PCDHA12: variants seen among roughly 807,000 people sequenced by gnomAD.
PCDHA12 encodes the protein protocadherin alpha 12.
PCDHA12 carries 44 observed loss-of-function variants against 60.0 expected under a neutral mutation model. That is an observed-to-expected ratio of 0.73 (90% CI 0.58 to 0.94). PCDHA12 has a LOEUF of 0.94. Among genes scored for constraint, PCDHA12 ranks in the 40% least tolerant of loss-of-function variants. PCDHA12 has a pLI of 0.00. For synonymous variants in PCDHA12, 569 were observed against 553.0 expected, an observed-to-expected ratio of 1.03 and a Z score of -0.40; for missense variants, 1,276 against 1,239.7, an observed-to-expected ratio of 1.03 and a Z score of -0.44.
chr5:141,009,103 C>G (rs1440460108), intron 3 of PCDHA12, among the ~76,000 whole-genome samples: 1 of 152,170 alleles, frequency 6.6e-6, no homozygotes, highest in African/African-American at 2.4e-5. Flanking sequence ...ACATATGTTA[C>G]TATGAAACTA....
chr5:140,957,541 A>C (rs2153713960), intron 1 of PCDHA12, among the ~76,000 whole-genome samples: 1 of 152,298 alleles, frequency 6.6e-6, no homozygotes, highest in South Asian at 2.1e-4. Flanking sequence ...GATCTTAGAA[A>C]GTATTCTCTG....
At chr5:140,983,178 A>G (rs1302819191) in intron 3 of PCDHA12, among the ~76,000 whole-genome samples, 2 of 152,158 alleles carry the variant, frequency 1.3e-5, no homozygotes, top group Admixed American at 6.5e-5. Context: ...CCGCCTCACA[A>G]TTTCTTAGTT....
intron 1 of PCDHA12, among the ~76,000 whole-genome samples, chr5:140,912,002 A>G (rs1452427916): frequency 6.6e-6 from 1 of 152,236 alleles, no homozygotes; most frequent in Admixed American, 6.5e-5. Context: ...ACAATAGGCC[A>G]TCTGCAAGCT....
intron 1 of PCDHA12, among the ~76,000 whole-genome samples, chr5:140,921,612 TATC>T (rs2080294560): frequency 6.6e-6 from 1 of 152,158 alleles, no homozygotes; most frequent in Non-Finnish European, 1.5e-5. Flanking sequence ...ATAAGAAAAA[TATC>T]ATCAGATCAT....
chr5:140,877,097 T>G lies in PCDHA12; in HGVS notation c.1625T>G (p.Val542Gly). 6.2e-7 allele frequency: 1 copy of G among 1,613,308 alleles called. No individual in the cohort carries two copies. The change falls in exon 1 of 4, where the codon GTG becomes GGG. Residue 542 changes from valine (V) to glycine (G), a missense_variant. Val to Gly is a moderately radical substitution (Grantham distance 109). Transcript: ENST00000398631. ...QFQVSARDAGVPPLGSNVTLQ... is the reference protein window; with the variant it reads ...QFQVSARDAGGPPLGSNVTLQ... ...CAGGTGAGCGCGCGCGACGCCGGCGTGCCGCCTCTGGGCAGCAACGTGACG... is the reference window on the plus strand; with the variant it reads ...CAGGTGAGCGCGCGCGACGCCGGCGGGCCGCCTCTGGGCAGCAACGTGACG...
At chr5:140,952,088 A>G (rs2094684736) in intron 1 of PCDHA12, among the ~76,000 whole-genome samples, 1 of 152,154 alleles carries the variant, frequency 6.6e-6, no homozygotes, top group South Asian at 2.1e-4. Flanking sequence ...TCCATGTCTC[A>G]CATCCAGGGC....
chr5:140,951,983 A>G (rs1043433314), intron 1 of PCDHA12, among the ~76,000 whole-genome samples: 1 of 152,214 alleles, frequency 6.6e-6, no homozygotes, highest in African/African-American at 2.4e-5. Context: ...CAAAAGGGAA[A>G]AACCAGCCAA....
intron 1 of PCDHA12, among the ~76,000 whole-genome samples, chr5:140,887,368 T>C (rs2061428699): frequency 6.6e-6 from 1 of 152,174 alleles, no homozygotes; most frequent in Non-Finnish European, 1.5e-5. Context: ...AGTGCTGGGA[T>C]TACAGGTGTG....
At chr5:140,967,872 A>C (rs2096192784) in intron 1 of PCDHA12, 2 of 1,614,034 alleles carry the variant, frequency 1.2e-6, no homozygotes, top group Non-Finnish European at 1.7e-6. Context: ...GTGCTCACGG[A>C]CCTGTATAGC....
In PCDHA12 at chr5:140,875,632, C is replaced by G; in HGVS notation, c.160C>G (p.Leu54Val). The G allele has an allele frequency of 6.2e-7, 1 of 1,613,710 alleles. No individual in the cohort carries two copies. Among genetic ancestry groups the G allele is most frequent in the Non-Finnish European group, 8.5e-7 (1 of 1,180,018 alleles). Residue 54 changes from leucine to valine, a missense_variant, in exon 1 of 4, where the codon CTG becomes GTG. Physicochemically the swap from Leu to Val is conservative, Grantham distance 32. Coordinates refer to ENST00000398631, the MANE Select transcript of PCDHA12 (RefSeq NM_018903.4). ...GGGCCGCATCGCTCAGGACCTGGGGCTGGAGCTGGCGGAGCTGGTGCCGCG... is the reference window on the plus strand; with the variant it reads ...GGGCCGCATCGCTCAGGACCTGGGGGTGGAGCTGGCGGAGCTGGTGCCGCG... The part of the protein sequence containing the change: ...FVGRIAQDLG[L>V]ELAELVPRLF...
Position 141,010,284 on chromosome 5 carries a change from A to G in PCDHA12, c.*347A>G. 6.4e-7 allele frequency: 1 copy of G among 1,551,156 alleles called. No homozygotes were observed. Among genetic ancestry groups the G allele is most frequent in the Non-Finnish European group, 8.7e-7 (1 of 1,146,860 alleles). On this transcript the variant is annotated 3_prime_UTR_variant, in exon 4 of 4. Coordinates refer to ENST00000398631, the MANE Select transcript of PCDHA12 (RefSeq NM_018903.4). ...GCTCCGGGGATCCTGTCTTGATGACACTTGCAGGGCAGGCTGAAAAGTTTT... is the reference window on the plus strand; with the variant it reads ...GCTCCGGGGATCCTGTCTTGATGACGCTTGCAGGGCAGGCTGAAAAGTTTT...
intron 1 of PCDHA12, among the ~76,000 whole-genome samples, chr5:140,898,545 C>CCG (rs2153461002): frequency 1.3e-5 from 2 of 152,322 alleles, no homozygotes; most frequent in East Asian, 3.9e-4. Context: ...TTCCATTTAT[C>CCG]TATGTCTCTG....
intron 2 of PCDHA12, among the ~76,000 whole-genome samples, 188 bp downstream of exon 2, chr5:140,979,195 T>C (rs1554240340): frequency 1.3e-5 from 2 of 152,232 alleles, no homozygotes; most frequent in African/African-American, 4.8e-5. Context: ...GCCAGATGCT[T>C]ATCAAGTGCT....
intron 3 of PCDHA12, 32 bp downstream of exon 3, chr5:140,982,595 G>A (rs1554244629): frequency 6.2e-7 from 1 of 1,609,520 alleles, no homozygotes; most frequent in Non-Finnish European, 8.5e-7. Flanking sequence ...ATTCTTTCTT[G>A]GTTTCTGGAA....
intron 1 of PCDHA12, among the ~76,000 whole-genome samples, chr5:140,921,217 T>G (rs2080100928): frequency 6.6e-6 from 1 of 152,122 alleles, no homozygotes; most frequent in African/African-American, 2.4e-5. Flanking sequence ...ATTCACGTCT[T>G]TTTTGCTAGA....
In PCDHA12 at chr5:140,888,751, C is replaced by T. The variant is rs947840835; in HGVS notation, c.2367+10912C>T. On this transcript the variant is annotated intron_variant, in intron 1 of 3. Transcript: ENST00000398631. ...TTGTGAGCTCTAGGAATTATTCTAC[C>T]CACTTTTTTTTTTAATTTTGAAGGG... Among the ~76,000 whole-genome samples, 4 of 151,800 alleles carry T rather than the reference C, an allele frequency of 2.6e-5. No individual in the cohort carries two copies. The South Asian group carries it at 8.3e-4, about 32-fold the overall frequency.
chr5:140,884,506 G>T (rs10076265), intron 1 of PCDHA12: 2 of 1,614,054 alleles, frequency 1.2e-6, no homozygotes, highest in Admixed American at 3.3e-5. Flanking sequence ...GCGCGGCAGG[G>T]AGTTGGTCGT....
intron 1 of PCDHA12, among the ~76,000 whole-genome samples, chr5:140,977,969 C>T (rs1554238945): frequency 6.6e-6 from 1 of 152,114 alleles, no homozygotes; most frequent in African/African-American, 2.4e-5. Context: ...AATCTCCGCC[C>T]ATGAAAACGC....
At chr5:141,000,405 A>ATG (rs2097918195) in intron 3 of PCDHA12, among the ~76,000 whole-genome samples, 3 of 88,878 alleles carry the variant, frequency 3.4e-5, no homozygotes, top group African/African-American at 1.4e-4. Flanking sequence ...CTATATATAT[A>ATG]TATATATATA....
Sources: allele counts gnomAD v4.1 joint callset (sites outside exome capture counted in the v4.1 genomes callset), GRCh38; gene constraint gnomAD v4.1.1; transcripts MANE v1.5; gene names NCBI Gene and HGNC (gene_info 2026-07-23, HGNC 2026-07-21).